Variants in AXDND1 observed in about 807,000 individuals in gnomAD.
AXDND1 encodes axonemal dynein light chain domain containing 1.
Under a neutral mutation model 137.5 loss-of-function variants are expected in AXDND1, and 110 were observed. The ratio of observed to expected loss-of-function variants is 0.80; its 90% CI spans 0.69 to 0.94. The LOEUF (loss-of-function observed/expected upper bound fraction) is 0.94. AXDND1 is among the 40% of genes least tolerant of loss of function. The pLI is 0.00. For synonymous variants in AXDND1, 414 were observed against 399.7 expected, an observed-to-expected ratio of 1.04 and a Z score of -0.43; for missense variants, 1,191 against 1,169.8, an observed-to-expected ratio of 1.02 and a Z score of -0.26.
At chr1:179,509,179 A>T (rs1668795270) in intron 20 of AXDND1, 117 bp from the exon 21 acceptor site, 2 of 642,544 alleles carry the variant, frequency 3.1e-6, no homozygotes, top group Non-Finnish European at 5.3e-6. Context: ...AACTGAACTG[A>T]TATAAAGTTA....
intron 16 of AXDND1, among the ~76,000 whole-genome samples, chr1:179,460,199 C>A (rs545183544): frequency 4.7e-3 from 711 of 152,062 alleles, no homozygotes; most frequent in South Asian, 8.9e-3. Context: ...CACCTCCCCC[C>A]ACCCCACGAC....
At chr1:179,532,448 G>T (rs4651042) in intron 23 of AXDND1, among the ~76,000 whole-genome samples, 48,340 of 152,028 alleles carry the variant, frequency 0.32, 8,340 homozygotes, top group Middle Eastern at 0.43. Flanking sequence ...TGTGCCAGGC[G>T]GGCACAGCCA....
intron 15 of AXDND1, among the ~76,000 whole-genome samples, chr1:179,442,335 G>C (rs1659109301): frequency 6.6e-6 from 1 of 152,138 alleles, no homozygotes; most frequent in Non-Finnish European, 1.5e-5. Flanking sequence ...AGAATAATAA[G>C]GAGATAATGG....
At chr1:179,463,933 G>A (rs1662743724) in intron 16 of AXDND1, among the ~76,000 whole-genome samples, 1 of 151,720 alleles carries the variant, frequency 6.6e-6, no homozygotes, top group African/African-American at 2.4e-5. Flanking sequence ...CAGAGACTAG[G>A]ATTGCAACCT....
At chr1:179,382,460 G>A (rs1272789469) in intron 6 of AXDND1, among the ~76,000 whole-genome samples, 2 of 152,078 alleles carry the variant, frequency 1.3e-5, no homozygotes, top group East Asian at 3.9e-4. Flanking sequence ...TGTGTTCTTT[G>A]GCCATGTCCC....
chr1:179,412,354 A>T (rs1558140567), intron 12 of AXDND1, among the ~76,000 whole-genome samples: 1 of 152,220 alleles, frequency 6.6e-6, no homozygotes, highest in African/African-American at 2.4e-5. Context: ...AGATTAAAAA[A>T]TGAGTTCAGT....
chr1:179,477,451 A>G (rs896949899), intron 17 of AXDND1, among the ~76,000 whole-genome samples: 6 of 152,168 alleles, frequency 3.9e-5, no homozygotes, highest in Non-Finnish European at 7.3e-5. Context: ...GGCCCATCTC[A>G]TATGGCAGCA....
At chr1:179,528,457 A>C (rs372872849) in intron 23 of AXDND1, 26 bp downstream of exon 23, 1 of 1,484,906 alleles carries the variant, frequency 6.7e-7, no homozygotes, top group South Asian at 1.1e-5. Flanking sequence ...CCAGCTAGGG[A>C]ATTCAACACT....
At chr1:179,499,782 A>G (rs1667810732) in intron 20 of AXDND1, among the ~76,000 whole-genome samples, 2 of 152,180 alleles carry the variant, frequency 1.3e-5, no homozygotes, top group Middle Eastern at 3.2e-3. Flanking sequence ...GATGATTCAG[A>G]CATTAGAAAG....
intron 17 of AXDND1, among the ~76,000 whole-genome samples, chr1:179,476,380 G>A (rs12139469): frequency 0.46 from 69,373 of 151,962 alleles, 16,700 homozygotes; most frequent in East Asian, 0.75. Flanking sequence ...TTCTTCTTTA[G>A]TCAGTTAAGA....
chr1:179,469,267 G>A (rs1428732195), intron 17 of AXDND1, among the ~76,000 whole-genome samples: 1 of 152,100 alleles, frequency 6.6e-6, no homozygotes, highest in Admixed American at 6.6e-5. Flanking sequence ...TCATTGTACT[G>A]TGTGGTCTTT....
rs144602510 is a variant in AXDND1 at position 179,490,944 on chromosome 1, T to C, written c.2092-594T>C. On this transcript the variant is annotated intron_variant, in intron 18 of 25. Coordinates refer to ENST00000367618, the MANE Select transcript of AXDND1 (RefSeq NM_144696.6). ...AATTTAAAATCCTATGGCATCCTTG[T>C]GAGTTTGCTGTGGAGCCCTGGAATG... 6.9e-3 allele frequency among the ~76,000 whole-genome samples: 1,054 copies of C among 152,290 alleles called. 2 individuals are homozygous for C. The highest frequency in any genetic ancestry group is 0.011 in the Non-Finnish European group (775 of 68,014).
intron 17 of AXDND1, 27 bp from the exon 18 acceptor site, chr1:179,483,100 CT>C: frequency 6.9e-7 from 1 of 1,455,930 alleles, no homozygotes; most frequent in South Asian, 1.2e-5. Context: ...CAGCCAGTCA[CT>C]TTTATTTTAC....
At position 179,409,873 on chromosome 1, in the gene AXDND1, GT is replaced by G. The variant is rs1010295127; in HGVS notation, c.1110-1263del. Among the ~76,000 whole-genome samples the G allele has an allele frequency of 2.8e-3, 420 of 149,750 alleles. 3 individuals are homozygous for G. Among genetic ancestry groups the G allele is most frequent in the Non-Finnish European group, 4.1e-3 (279 of 67,234 alleles). On this transcript the variant is annotated intron_variant, in intron 11 of 25. Coordinates refer to ENST00000367618, the MANE Select transcript of AXDND1 (RefSeq NM_144696.6). ...ATGATGATGTTTAATTATCTCCAGT[GT>G]TTTTTTTTTAAATCATAGAACTACA...
chr1:179,509,483 T>C, intron 21 of AXDND1, 80 bp downstream of exon 21: 1 of 924,398 alleles, frequency 1.1e-6, no homozygotes. Flanking sequence ...CTTTTTCCAA[T>C]CAATGTTCTG....
chr1:179,448,622 C>T (rs983042213), intron 16 of AXDND1: 7 of 252,614 alleles, frequency 2.8e-5, no homozygotes, highest in East Asian at 1.2e-4. Context: ...AGCCTGGGCC[C>T]GCCGCCAGCG....
At chr1:179,437,609 A>G (rs1048403784) in intron 15 of AXDND1, among the ~76,000 whole-genome samples, 1 of 152,190 alleles carries the variant, frequency 6.6e-6, no homozygotes, top group African/African-American at 2.4e-5. Flanking sequence ...GAAAGAATGT[A>G]AGGCCAGGCT....
At chr1:179,445,337 G>GC in intron 16 of AXDND1, 133 bp downstream of exon 16, 1 of 621,042 alleles carries the variant, frequency 1.6e-6, no homozygotes, top group Non-Finnish European at 2.7e-6. Flanking sequence ...AATAAGCAAA[G>GC]CATTGAGCAT....
At chr1:179,391,729 G>A (rs1160576534) in intron 9 of AXDND1, among the ~76,000 whole-genome samples, 5 of 151,896 alleles carry the variant, frequency 3.3e-5, no homozygotes, top group African/African-American at 9.7e-5. Context: ...GTAGAGAGAG[G>A]GTTTCACTGT....
Sources: allele counts gnomAD v4.1 joint callset (sites outside exome capture counted in the v4.1 genomes callset), GRCh38; gene constraint gnomAD v4.1.1; transcripts MANE v1.5; gene names NCBI Gene and HGNC (gene_info 2026-07-23, HGNC 2026-07-21).